The following TMEM260 variants were observed in gnomAD, a reference collection of about 807,000 sequenced individuals.
The protein encoded by TMEM260 is protein O-mannosyl-transferase TMEM260.
TMEM260 carries 82 observed loss-of-function variants against 88.9 expected under a neutral mutation model. The ratio of observed to expected loss-of-function variants is 0.92; its 90% confidence interval spans 0.77 to 1.11. The LOEUF (loss-of-function observed/expected upper bound fraction) is 1.11. Among genes scored for constraint, TMEM260 ranks in the 50% least tolerant of loss-of-function variants. TMEM260 has a pLI of 0.00. For missense variants in TMEM260, 902 were observed against 853.4 expected (o/e 1.06, Z -0.71); for synonymous variants, 314 against 309.3 (o/e 1.02, Z -0.16).
chr14:56,631,404 C>A (rs1378993708), intron 12 of TMEM260, among the ~76,000 whole-genome samples: 1 of 152,136 alleles, frequency 6.6e-6, no homozygotes, highest in African/African-American at 2.4e-5. Flanking sequence ...AGGTGGATCA[C>A]CTGAGGTCAG....
rs944443594 is a variant in TMEM260 at position 56,647,705 on chromosome 14, C to A, written c.*208C>A. 4 of 540,556 alleles carry A rather than the reference C, an allele frequency of 7.4e-6. No homozygotes were observed. The highest frequency in any genetic ancestry group is 2.0e-5 in the African/African-American group (1 of 50,896). The allele number at this position is 540,556 out of a possible 1,614,324, so 33.5% of individuals were successfully genotyped here. A position where few individuals can be genotyped will look rare whatever the true frequency, so the allele number is the denominator to read the frequency against. On this transcript the variant is annotated 3_prime_UTR_variant, in exon 16 of 16. Coordinates refer to ENST00000261556, the MANE Select transcript of TMEM260 (RefSeq NM_017799.4). ...GCAAAATTCTGTTTATCCCGTGTTA[C>A]CAAATTACCATTTCAGTGAGAAGCT...
At chr14:56,636,458 T>A in intron 14 of TMEM260, 50 bp from the exon 15 acceptor site, 2 of 1,433,054 alleles carry the variant, frequency 1.4e-6, no homozygotes, top group Non-Finnish European at 2.0e-6. Context: ...TAGCCCTGAA[T>A]GTGCAATTGA....
intron 5 of TMEM260, among the ~76,000 whole-genome samples, chr14:56,608,700 G>T (rs1168280884): frequency 6.6e-6 from 1 of 152,116 alleles, no homozygotes; most frequent in Admixed American, 6.5e-5. Context: ...TCCTAATGAT[G>T]ATGACAAAGT....
chr14:56,605,781 G>A, intron 5 of TMEM260, 98 bp downstream of exon 5: 1 of 710,876 alleles, frequency 1.4e-6, no homozygotes, highest in Non-Finnish European at 2.3e-6. Flanking sequence ...ATTTTTCTTG[G>A]GTTTCATGTA....
chr14:56,646,848 AG>A (rs1889997517), intron 15 of TMEM260, among the ~76,000 whole-genome samples: 2 of 143,052 alleles, frequency 1.4e-5, no homozygotes, highest in East Asian at 2.2e-4. Context: ...TTCTAAAGAA[AG>A]CTGTTTTTTT....
intron 3 of TMEM260, among the ~76,000 whole-genome samples, chr14:56,599,159 T>A (rs2139538429): frequency 6.6e-6 from 1 of 152,304 alleles, no homozygotes; most frequent in Admixed American, 6.5e-5. Flanking sequence ...ATTAGCTCCC[T>A]ACTGGCTTTA....
In TMEM260 at chr14:56,647,239, C is replaced by G; in HGVS notation, c.1870-4C>G. ...GGAATACCAACATTTCTGCTGTTTT[C>G]TAGCTTTATAAGGAGATTGTCTATT... On this transcript the variant is annotated splice_polypyrimidine_tract_variant and splice_region_variant and intron_variant, in intron 15 of 15. Coordinates refer to ENST00000261556, the MANE Select transcript of TMEM260 (RefSeq NM_017799.4). The G allele has an allele frequency of 1.9e-6, 3 of 1,593,864 alleles. No homozygotes were observed. The highest frequency in any genetic ancestry group is 2.6e-6 in the Non-Finnish European group (3 of 1,169,616).
chr14:56,609,201 C>A lies in TMEM260; in HGVS notation c.732C>A (p.His244Gln), dbSNP rs750802545. The change falls in exon 6 of 16, where the codon CAC becomes CAA. Residue 244 changes from histidine (H) to glutamine (Q), a missense_variant. By Grantham distance (24) the His-to-Gln change is conservative. Coordinates refer to ENST00000261556, the MANE Select transcript of TMEM260 (RefSeq NM_017799.4). Reference protein sequence around the residue: ...VHLPISSYLNHARWTWGDQTT... With the variant: ...VHLPISSYLNQARWTWGDQTT... Reference sequence around the variant, plus strand: ...TTCCCATCTCATCTTACCTTAATCACGCCCGGTGGACCTGGGGAGACCAGA... The same window carrying A: ...TTCCCATCTCATCTTACCTTAATCAAGCCCGGTGGACCTGGGGAGACCAGA... The A allele has an allele frequency of 1.2e-6, 2 of 1,614,148 alleles. No individual in the cohort carries two copies. The highest frequency in any genetic ancestry group is 1.7e-6 in the Non-Finnish European group (2 of 1,180,026).
Position 56,605,469 on chromosome 14 carries a change from T to G in TMEM260, c.523-101T>G, listed in dbSNP as rs908440441. 7.9e-6 allele frequency: 4 copies of G among 506,274 alleles called. No homozygotes were observed. In the Admixed American group the frequency reaches 1.0e-4, roughly 13 times the overall value. The allele number at this position is 506,274 out of a possible 1,614,324, so 31.4% of individuals were successfully genotyped here. A position where few individuals can be genotyped will look rare whatever the true frequency, so the allele number is the denominator to read the frequency against. Reference sequence around the variant, plus strand: ...CTTAGAGGTTGATTTTAACCTAACATGATACGAATGCTTGGTTTTAATATA... The same window carrying G: ...CTTAGAGGTTGATTTTAACCTAACAGGATACGAATGCTTGGTTTTAATATA... On this transcript the variant is annotated intron_variant, in intron 4 of 15. Coordinates refer to ENST00000261556, the MANE Select transcript of TMEM260 (RefSeq NM_017799.4).
chr14:56,653,189 C>T (rs1441187799), downstream of TMEM260, among the ~76,000 whole-genome samples: 1 of 151,326 alleles, frequency 6.6e-6, no homozygotes, highest in African/African-American at 2.4e-5. Flanking sequence ...GGCAACAGAG[C>T]AAGACTCTGT....
At chr14:56,631,867 T>A (rs10047929) in intron 12 of TMEM260, among the ~76,000 whole-genome samples, 135,015 of 152,216 alleles carry the variant, frequency 0.89, 60,060 homozygotes, top group East Asian at 1. Context: ...CCTGGTGCTG[T>A]CTGTGACCAG....
the TMEM260 span, among the ~76,000 whole-genome samples, chr14:56,661,363 G>T: frequency 6.6e-6 from 1 of 152,200 alleles, no homozygotes; most frequent in Non-Finnish European, 1.5e-5. Flanking sequence ...AGGGAACCAG[G>T]AATGCCCTCG....
chr14:56,641,296 A>G (rs1300898012), intron 15 of TMEM260, among the ~76,000 whole-genome samples: 1 of 152,226 alleles, frequency 6.6e-6, no homozygotes, highest in African/African-American at 2.4e-5. Context: ...AGGGAAGCCC[A>G]TCAGACTAAC....
intron 12 of TMEM260, among the ~76,000 whole-genome samples, chr14:56,626,908 A>C (rs1007189275): frequency 5.3e-5 from 8 of 152,140 alleles, no homozygotes; most frequent in African/African-American, 1.7e-4. Context: ...CTTTAACATA[A>C]ATGACTTATT....
intron 15 of TMEM260, among the ~76,000 whole-genome samples, chr14:56,642,149 G>C (rs55980522): frequency 0.041 from 6,164 of 152,160 alleles, 420 homozygotes; most frequent in African/African-American, 0.14. Context: ...AGCTCTGCAC[G>C]AAGCGGACCT....
At chr14:56,604,206 A>T (rs570721578) in intron 4 of TMEM260, among the ~76,000 whole-genome samples, 1 of 152,210 alleles carries the variant, frequency 6.6e-6, no homozygotes, top group South Asian at 2.1e-4. Context: ...CTCAGAGTTC[A>T]AAAGTTTTTT....
In TMEM260 at chr14:56,618,821, T is replaced by G. The variant is rs1594856178; in HGVS notation, c.1226+58T>G. 1.1e-5 allele frequency: 17 copies of G among 1,503,422 alleles called. No homozygotes were observed. In the East Asian group the frequency reaches 3.9e-4, roughly 34 times the overall value. 93.1% of individuals were successfully genotyped at this position (1,503,422 alleles called of 1,614,324 possible). ...GTCAAGCCAGAGATACCTGAATATT[T>G]AGATTCTAACACTTTATTTCATTGT... On this transcript the variant is annotated intron_variant, in intron 10 of 15. Transcript: ENST00000261556.
At chr14:56,636,043 T>C (rs911444967) in intron 14 of TMEM260, among the ~76,000 whole-genome samples, 1 of 151,950 alleles carries the variant, frequency 6.6e-6, no homozygotes, top group Non-Finnish European at 1.5e-5. Context: ...AAGAAAGAGG[T>C]CATTATTTGC....
At chr14:56,655,663 T>C in the TMEM260 span, among the ~76,000 whole-genome samples, 1 of 152,100 alleles carries the variant, frequency 6.6e-6, no homozygotes, top group Non-Finnish European at 1.5e-5. Flanking sequence ...ACCAAGAAAA[T>C]GTGTGAACAA....
Sources: allele counts gnomAD v4.1 joint callset (sites outside exome capture counted in the v4.1 genomes callset), GRCh38; gene constraint gnomAD v4.1.1; transcripts MANE v1.5; gene names NCBI Gene and HGNC (gene_info 2026-07-23, HGNC 2026-07-21).